ZNF26: variants seen among roughly 807,000 people sequenced by gnomAD.
ZNF26 encodes zinc finger protein 26.
In ZNF26, 32 loss-of-function variants were observed where a neutral mutation model predicts 54.9. That is an observed-to-expected ratio of 0.58 (90% CI 0.44 to 0.78). The LOEUF (loss-of-function observed/expected upper bound fraction) is 0.78, where lower values mean the gene tolerates loss of function less well. Ranked by LOEUF, ZNF26 falls within the 30% of genes least tolerant of loss-of-function variation. The pLI is 0.00. For missense variants in ZNF26, 524 were observed against 634.0 expected (o/e 0.83, Z 1.86); for synonymous variants, 221 against 209.2 (o/e 1.06, Z -0.49).
chr12:133,012,918 A>G lies in ZNF26; in HGVS notation c.*1437A>G, dbSNP rs1456753270. On this transcript the variant is annotated 3_prime_UTR_variant, in exon 4 of 4. Coordinates refer to ENST00000328654, the MANE Select transcript of ZNF26 (RefSeq NM_019591.4). The stretch of plus-strand genomic sequence containing the variant: ...TATAACCTAAGGGCTTTAACTGATC[A>G]GTTGTTGCCTTGGTAGCATGTAGTT... 6.6e-6 allele frequency: 1 copy of G among 151,890 alleles called. No individual in the cohort carries two copies. Among genetic ancestry groups the G allele is most frequent in the Non-Finnish European group, 1.5e-5 (1 of 67,958 alleles). 9.4% of individuals were successfully genotyped at this position (151,890 alleles called of 1,614,324 possible).
intron 1 of ZNF26, among the ~76,000 whole-genome samples, chr12:132,989,823 C>T (rs1952909093): frequency 6.6e-6 from 1 of 152,162 alleles, no homozygotes; most frequent in Non-Finnish European, 1.5e-5. Flanking sequence ...ATTAAAGATA[C>T]ATTTTGCCTT....
intron 1 of ZNF26, among the ~76,000 whole-genome samples, chr12:132,989,202 A>C (rs1315139458): frequency 2.6e-5 from 4 of 151,622 alleles, no homozygotes; most frequent in Non-Finnish European, 5.9e-5. Flanking sequence ...ACGCCCATCT[A>C]ATTTTTTTGT....
At position 133,011,594 on chromosome 12, in the gene ZNF26, G is replaced by C. The variant is rs1179269984; in HGVS notation, c.*113G>C. 2.7e-6 allele frequency: 3 copies of C among 1,100,086 alleles called. No homozygotes were observed. Among genetic ancestry groups the C allele is most frequent in the Non-Finnish European group, 3.7e-6 (3 of 806,610 alleles). 68.1% of individuals were successfully genotyped at this position (1,100,086 alleles called of 1,614,324 possible). A position where few individuals can be genotyped will look rare whatever the true frequency, so the allele number is the denominator to read the frequency against. On this transcript the variant is annotated 3_prime_UTR_variant, in exon 4 of 4. Transcript: ENST00000328654. ...TACACTCATGTCAAAAATCAGAGAG[G>C]AGAGAGACCAACCATATTTGGGATG...
chr12:132,990,978 C>T (rs1336820103), intron 1 of ZNF26, among the ~76,000 whole-genome samples: 1 of 151,856 alleles, frequency 6.6e-6, no homozygotes, highest in African/African-American at 2.4e-5. Context: ...CCTGCCTCAG[C>T]CTCCCGAGTA....
At chr12:133,008,475 A>T (rs926358991) in intron 3 of ZNF26, among the ~76,000 whole-genome samples, 1 of 152,162 alleles carries the variant, frequency 6.6e-6, no homozygotes, top group East Asian at 1.9e-4. Flanking sequence ...TTTCATTGCT[A>T]TAAAGAAATA....
intron 1 of ZNF26, among the ~76,000 whole-genome samples, chr12:132,998,454 T>C (rs1311170836): frequency 5.3e-5 from 8 of 152,282 alleles, no homozygotes; most frequent in African/African-American, 1.4e-4. Flanking sequence ...CATAAGCCAC[T>C]GCTCTCGGCC....
In ZNF26 at chr12:133,020,436, T is replaced by C. The variant is rs1953625294; in HGVS notation, c.*8955T>C. 1 of 151,902 alleles carries C rather than the reference T, an allele frequency of 6.6e-6. No individual in the cohort carries two copies. The highest frequency in any genetic ancestry group is 1.5e-5 in the Non-Finnish European group (1 of 67,994). 9.4% of individuals were successfully genotyped at this position (151,902 alleles called of 1,614,324 possible). A position where few individuals can be genotyped will look rare whatever the true frequency, so the allele number is the denominator to read the frequency against. On this transcript the variant is annotated 3_prime_UTR_variant, in exon 4 of 4. Transcript: ENST00000328654. ...ACTGTACACTTAAAAATGGTAATGATGATAATATTTATAATATATTTACAT... is the reference window on the plus strand; with the variant it reads ...ACTGTACACTTAAAAATGGTAATGACGATAATATTTATAATATATTTACAT...
intron 1 of ZNF26, among the ~76,000 whole-genome samples, chr12:133,002,674 A>T (rs1395462107): frequency 6.6e-6 from 1 of 151,614 alleles, no homozygotes; most frequent in Admixed American, 6.6e-5. Flanking sequence ...CCCAGGCTGG[A>T]GTGCAGTGGT....
chr12:133,012,251 C>T lies in ZNF26; in HGVS notation c.*770C>T, dbSNP rs898192499. The T allele has an allele frequency of 6.6e-6, 1 of 152,152 alleles. No homozygotes were observed. Among genetic ancestry groups the T allele is most frequent in the Non-Finnish European group, 1.5e-5 (1 of 68,044 alleles). 9.4% of individuals were successfully genotyped at this position (152,152 alleles called of 1,614,324 possible). ...ATTGACATGAGCACCCCTGTTTTCTCTGGAGAAATACCTCCCCTCTCTGGG... is the reference window on the plus strand; with the variant it reads ...ATTGACATGAGCACCCCTGTTTTCTTTGGAGAAATACCTCCCCTCTCTGGG... On this transcript the variant is annotated 3_prime_UTR_variant, in exon 4 of 4. Transcript: ENST00000328654.
chr12:133,009,789 C>T lies in ZNF26; in HGVS notation c.257-347C>T, dbSNP rs1566264702. Among the ~76,000 whole-genome samples the T allele has an allele frequency of 3.3e-5, 5 of 152,122 alleles. No individual in the cohort carries two copies. The South Asian group carries it at 8.3e-4, about 25-fold the overall frequency. ...CGTGATCTCGGCTCACTGCAACCTCCGCCTCCCAGGTTCAAGCGATTCTTC... is the reference window on the plus strand; with the variant it reads ...CGTGATCTCGGCTCACTGCAACCTCTGCCTCCCAGGTTCAAGCGATTCTTC... On this transcript the variant is annotated intron_variant, in intron 3 of 3. Coordinates refer to ENST00000328654, the MANE Select transcript of ZNF26 (RefSeq NM_019591.4).
chr12:133,003,260 T>TC (rs1555285155), intron 1 of ZNF26, among the ~76,000 whole-genome samples: 8 of 144,588 alleles, frequency 5.5e-5, no homozygotes, highest in African/African-American at 2.2e-4. Context: ...CCCTTTTCTT[T>TC]TTTTTTTTTT....
intron 1 of ZNF26, among the ~76,000 whole-genome samples, chr12:133,000,013 C>A (rs77234214): frequency 2.6e-5 from 4 of 152,014 alleles, no homozygotes; most frequent in African/African-American, 9.7e-5. Context: ...ATGCCTTTAC[C>A]TCATTTTTCT....
chr12:132,999,191 C>T (rs1286554672), intron 1 of ZNF26, among the ~76,000 whole-genome samples: 1 of 152,184 alleles, frequency 6.6e-6, no homozygotes, highest in Non-Finnish European at 1.5e-5. Flanking sequence ...CAGGCAGCTG[C>T]AAGACAAGAT....
At position 133,023,701 on chromosome 12, in the gene ZNF26, T is replaced by C. The variant is rs935055680; in HGVS notation, c.*12220T>C. 5.3e-5 allele frequency: 8 copies of C among 152,218 alleles called. No homozygotes were observed. The highest frequency in any genetic ancestry group is 1.2e-4 in the Non-Finnish European group (8 of 68,044). The allele number at this position is 152,218 out of a possible 1,614,324, so 9.4% of individuals were successfully genotyped here. A position where few individuals can be genotyped will look rare whatever the true frequency, so the allele number is the denominator to read the frequency against. The stretch of plus-strand genomic sequence containing the variant: ...AGTGTGATCTTGCCACTCCTCCCAC[T>C]TATAGTCTTGCCCCATCCTTTGAGT... On this transcript the variant is annotated 3_prime_UTR_variant, in exon 4 of 4. Transcript: ENST00000328654.
At position 133,011,243 on chromosome 12, in the gene ZNF26, A is replaced by C; in HGVS notation, c.1364A>C (p.Glu455Ala). 1 of 1,614,084 alleles carries C rather than the reference A, an allele frequency of 6.2e-7. No homozygotes were observed. Among genetic ancestry groups the C allele is most frequent in the Non-Finnish European group, 8.5e-7 (1 of 1,179,986 alleles). The change falls in exon 4 of 4, where the codon GAA (glutamate) becomes GCA (alanine). Residue 455 changes from glutamate to alanine, a missense_variant. Physicochemically the swap from Glu to Ala is moderately radical, Grantham distance 107. Transcript: ENST00000328654. ...ACTCATTCAACTGAGAAGCCCTATG[A>C]ATGCAATGAATGTGAAAAAGCCTAC... ...QRTHSTEKPYECNECEKAYPR... is the reference protein window; with the variant it reads ...QRTHSTEKPYACNECEKAYPR...
intron 1 of ZNF26, among the ~76,000 whole-genome samples, chr12:133,002,726 C>T (rs979560066): frequency 1.3e-4 from 20 of 151,970 alleles, no homozygotes; most frequent in African/African-American, 4.4e-4. Context: ...TGGGTTCAAG[C>T]GATTCTCCTG....
chr12:133,006,871 A>ACCGTG, intron 1 of ZNF26, 171 bp from the exon 2 acceptor site: 1 of 851,910 alleles, frequency 1.2e-6, no homozygotes, highest in Non-Finnish European at 1.8e-6. Flanking sequence ...GGCGTGAGCC[A>ACCGTG]CCGTGCCTGG....
At position 133,024,621 on chromosome 12, in the gene ZNF26, C is replaced by G. The variant is rs1953679028; in HGVS notation, c.*13140C>G. 6.6e-6 allele frequency: 1 copy of G among 152,170 alleles called. No individual in the cohort carries two copies. The highest frequency in any genetic ancestry group is 2.4e-5 in the African/African-American group (1 of 41,442). 9.4% of individuals were successfully genotyped at this position (152,170 alleles called of 1,614,324 possible). A position where few individuals can be genotyped will look rare whatever the true frequency, so the allele number is the denominator to read the frequency against. ...GGGAAAAGATGTAATCCAAGGCTGG[C>G]TATAATACCCTTATGTAAGATTCCA... On this transcript the variant is annotated 3_prime_UTR_variant, in exon 4 of 4. Coordinates refer to ENST00000328654, the MANE Select transcript of ZNF26 (RefSeq NM_019591.4).
At chr12:132,992,936 T>G (rs894375993) in intron 1 of ZNF26, among the ~76,000 whole-genome samples, 1 of 152,152 alleles carries the variant, frequency 6.6e-6, no homozygotes, top group Non-Finnish European at 1.5e-5. Flanking sequence ...GTTCAAAGAT[T>G]TTTTTCCTCA....
Sources: allele counts gnomAD v4.1 joint callset (sites outside exome capture counted in the v4.1 genomes callset), GRCh38; gene constraint gnomAD v4.1.1; transcripts MANE v1.5; gene names NCBI Gene and HGNC (gene_info 2026-07-23, HGNC 2026-07-21).